Variants in PTPRF observed in about 807,000 individuals in gnomAD.
PTPRF encodes protein tyrosine phosphatase receptor type F.
In PTPRF, 59 loss-of-function variants were observed where a neutral mutation model predicts 201.8. That is an observed-to-expected ratio of 0.29 (90% CI 0.24 to 0.36). The LOEUF (loss-of-function observed/expected upper bound fraction) is 0.36, where lower values mean the gene tolerates loss of function less well. PTPRF is among the 10% of genes least tolerant of loss of function. PTPRF has a pLI of 1.00. For synonymous variants in PTPRF, 1,088 were observed against 1,089.7 expected, an observed-to-expected ratio of 1.00 and a Z score of 0.03; for missense variants, 2,132 against 2,690.5, an observed-to-expected ratio of 0.79 and a Z score of 4.59.
In PTPRF at chr1:43,552,544, C is replaced by T. The variant is rs1645103776; in HGVS notation, c.92-948C>T. On this transcript the variant is annotated intron_variant, in intron 3 of 33. Coordinates refer to ENST00000359947, the MANE Select transcript of PTPRF (RefSeq NM_002840.5). ...AGGCTGGGCCTGGGCTCCTGGGGAC[C>T]AAACAGGTGGTCTGAAAGGTCATTT... 2.6e-5 allele frequency among the ~76,000 whole-genome samples: 4 copies of T among 152,334 alleles called. No homozygotes were observed. The South Asian group carries it at 8.3e-4, about 32-fold the overall frequency.
chr1:43,584,356 A>G (rs3791138), intron 7 of PTPRF, among the ~76,000 whole-genome samples: 1 of 152,060 alleles, frequency 6.6e-6, no homozygotes, highest in Non-Finnish European at 1.5e-5. Flanking sequence ...GCTATAGCCT[A>G]GGCTCAGATA....
rs1030573025 is a variant in PTPRF, at chr1:43,583,198, C to T, written c.679+4278C>T. 8.9e-6 allele frequency: 7 copies of T among 789,004 alleles called. No homozygotes were observed. In the South Asian group the frequency reaches 1.7e-4, roughly 20 times the overall value. 48.9% of individuals were successfully genotyped at this position (789,004 alleles called of 1,614,324 possible). A position where few individuals can be genotyped will look rare whatever the true frequency, so the allele number is the denominator to read the frequency against. On this transcript the variant is annotated intron_variant, in intron 7 of 33. Transcript: ENST00000359947. ...GTCAGCTCCCTCAGGCTCACTGCGCCGTGCCTGCCTGCCAGTCTCTGTTGT... is the reference window on the plus strand; with the variant it reads ...GTCAGCTCCCTCAGGCTCACTGCGCTGTGCCTGCCTGCCAGTCTCTGTTGT...
intron 11 of PTPRF, among the ~76,000 whole-genome samples, chr1:43,593,415 C>CTGTG (rs894721695): frequency 1.3e-5 from 2 of 151,640 alleles, no homozygotes; most frequent in Non-Finnish European, 2.9e-5. Flanking sequence ...AGACAGTAGA[C>CTGTG]TGTGTGTGTG....
intron 22 of PTPRF, among the ~76,000 whole-genome samples, chr1:43,609,912 A>G (rs1656038000): frequency 6.6e-6 from 1 of 152,158 alleles, no homozygotes. Context: ...TGGGGAGATG[A>G]AGTGCCTGCA....
At chr1:43,614,566 C>T (rs886261184) in intron 23 of PTPRF, among the ~76,000 whole-genome samples, 1 of 152,120 alleles carries the variant, frequency 6.6e-6, no homozygotes, top group Admixed American at 6.5e-5. Flanking sequence ...AGACAAGACT[C>T]CTGGCCAGGC....
intron 6 of PTPRF, among the ~76,000 whole-genome samples, chr1:43,577,228 C>T (rs1210049332): frequency 6.6e-6 from 1 of 152,228 alleles, no homozygotes; most frequent in Non-Finnish European, 1.5e-5. Context: ...TTAGGGCAGC[C>T]TCGACCCCTC....
chr1:43,550,886 C>A (rs1353753640), intron 3 of PTPRF, among the ~76,000 whole-genome samples: 1 of 152,166 alleles, frequency 6.6e-6, no homozygotes, highest in East Asian at 1.9e-4. Flanking sequence ...GAGTGTATGG[C>A]GGAGGTTGGC....
Position 43,553,848 on chromosome 1 carries a change from T to C in PTPRF, c.286T>C (p.Leu96=), listed in dbSNP as rs1171278798. 2 of 1,614,078 alleles carry C rather than the reference T, an allele frequency of 1.2e-6. No individual in the cohort carries two copies. Among genetic ancestry groups the C allele is most frequent in the Non-Finnish European group, 1.7e-6 (2 of 1,180,046 alleles). The change falls in exon 5 of 34, where the codon TTG becomes CTG. Residue 96 remains leucine, a synonymous_variant. Transcript: ENST00000359947. The surrounding 1 kb of genome is among the most constrained non-coding windows in gnomAD (Gnocchi z 4.1). ...AGGGTCAGTGCTTCGGATCCAGCCA[T>C]TGCGGGTGCAGCGAGATGAAGCCAT... ...GAGSVLRIQP[L]RVQRDEAIYE...
chr1:43,619,948 C>A, intron 29 of PTPRF, 90 bp downstream of exon 29: 1 of 1,565,388 alleles, frequency 6.4e-7, no homozygotes, highest in South Asian at 1.2e-5. Flanking sequence ...TAGGGCCAGC[C>A]TAGAAGACCA....
chr1:43,620,712 C>T (rs535158131), intron 31 of PTPRF, 126 bp from the exon 32 acceptor site: 170 of 1,519,132 alleles, frequency 1.1e-4, no homozygotes, highest in Admixed American at 3.1e-4. Context: ...GAGCACATCT[C>T]CCCCTGTGGC....
chr1:43,616,801 T>A (rs909777107), intron 23 of PTPRF, among the ~76,000 whole-genome samples: 2 of 151,784 alleles, frequency 1.3e-5, no homozygotes, highest in African/African-American at 4.8e-5. Context: ...CTGCTGAGGT[T>A]ATGGGCAGCT....
Position 43,591,570 on chromosome 1 carries a change from C to T in PTPRF, c.1531+17C>T, listed in dbSNP as rs547929616. 27 of 1,541,974 alleles carry T rather than the reference C, an allele frequency of 1.8e-5. No homozygotes were observed. In the East Asian group the frequency reaches 3.6e-4, roughly 20 times the overall value. On this transcript the variant is annotated intron_variant, in intron 9 of 33. Transcript: ENST00000359947. Reference sequence around the variant, plus strand: ...AGCAGGGAGGTAGGTGGGGGCATGCCGGCTGGGCAGCCAACAGCAGAGAAG... The same window carrying T: ...AGCAGGGAGGTAGGTGGGGGCATGCTGGCTGGGCAGCCAACAGCAGAGAAG...
In PTPRF at chr1:43,545,215, T is replaced by C. The variant is rs368269221; in HGVS notation, c.91+49T>C. On this transcript the variant is annotated intron_variant, in intron 3 of 33. Coordinates refer to ENST00000359947, the MANE Select transcript of PTPRF (RefSeq NM_002840.5). ...AGATCTCCCAGGTTGAAAGGTGGCA[T>C]CCTTCCCAGCAGGACTCTGGGATGG... 7.8e-5 allele frequency: 120 copies of C among 1,532,388 alleles called. No homozygotes were observed. The African/African-American group carries it at 1.4e-3, about 18-fold the overall frequency. 94.9% of individuals were successfully genotyped at this position (1,532,388 alleles called of 1,614,324 possible).
At chr1:43,562,747 A>C (rs917225987) in intron 5 of PTPRF, among the ~76,000 whole-genome samples, 1 of 152,106 alleles carries the variant, frequency 6.6e-6, no homozygotes, top group African/African-American at 2.4e-5. Context: ...ATCAAACTTA[A>C]GCTTCAGAAA....
At chr1:43,575,887 T>G in intron 6 of PTPRF, 1 of 1,359,526 alleles carries the variant, frequency 7.4e-7, no homozygotes, top group Non-Finnish European at 9.8e-7. Context: ...CTGATCTTAT[T>G]TGCATTCAAA....
In PTPRF at chr1:43,604,538, C is replaced by T. The variant is rs75499651; in HGVS notation, c.3037+349C>T. Among the ~76,000 whole-genome samples the T allele has an allele frequency of 4.6e-3, 703 of 152,288 alleles. 2 individuals carry two copies. The highest frequency in any genetic ancestry group is 7.7e-3 in the Non-Finnish European group (521 of 68,020). ...CCATGACCCACCGACCTCTAGTGAA[C>T]ATGCTCCACCACGCTCTGGTGTGTG... On this transcript the variant is annotated intron_variant, in intron 16 of 33. Transcript: ENST00000359947.
chr1:43,609,650 A>G (rs1316334108), intron 22 of PTPRF, 152 bp downstream of exon 22: 4 of 623,170 alleles, frequency 6.4e-6, no homozygotes, highest in East Asian at 5.6e-5. Flanking sequence ...CCCTGTGCTC[A>G]TCCACTTTGG....
In PTPRF at chr1:43,606,260, A is replaced by G. The variant is rs765214291; in HGVS notation, c.3504A>G (p.Gln1168=). 3.5e-5 allele frequency: 57 copies of G among 1,613,518 alleles called. 1 individual carries two copies. In the Admixed American group the frequency reaches 9.3e-4, roughly 26 times the overall value. Reference sequence around the variant, plus strand: ...GCCAGCTTCTAGAAGCCATCGAGCAAGGCGGAGAGGAGCAGCGGCGGCGGC... The same window carrying G: ...GCCAGCTTCTAGAAGCCATCGAGCAGGGCGGAGAGGAGCAGCGGCGGCGGC... ...ELDELLEAIE[Q]GGEEQRRRRR... The change falls in exon 20 of 34, where the codon CAA becomes CAG. Residue 1168 remains glutamine (Q), a synonymous_variant. Transcript: ENST00000359947.
At position 43,589,011 on chromosome 1, in the gene PTPRF, C is replaced by T. The variant is rs768902683; in HGVS notation, c.949+11C>T. ...AGGTCACAGTGAAAGGTGAGTGTGG[C>T]AGGTGCTGTAACCAGTGCCCTCCCT... On this transcript the variant is annotated intron_variant, in intron 8 of 33. Coordinates refer to ENST00000359947, the MANE Select transcript of PTPRF (RefSeq NM_002840.5). The T allele has an allele frequency of 1.7e-5, 26 of 1,538,396 alleles. 1 individual carries two copies. The South Asian group carries it at 2.9e-4, about 17-fold the overall frequency.
Sources: allele counts gnomAD v4.1 joint callset (sites outside exome capture counted in the v4.1 genomes callset), GRCh38; gene constraint gnomAD v4.1.1; non-coding constraint Gnocchi (gnomAD v3.1); transcripts MANE v1.5; gene names NCBI Gene and HGNC (gene_info 2026-07-23, HGNC 2026-07-21).